Variants in CNTNAP2 observed in about 807,000 individuals in gnomAD.
The protein encoded by CNTNAP2 is contactin associated protein 2.
CNTNAP2 carries 98 observed loss-of-function variants against 155.2 expected under a neutral mutation model. The observed-to-expected ratio is 0.63, with a 90% CI of 0.54 to 0.75. The LOEUF (loss-of-function observed/expected upper bound fraction) is 0.75. Ranked by LOEUF, CNTNAP2 falls within the 30% of genes least tolerant of loss-of-function variation. The pLI is 0.00. For synonymous variants in CNTNAP2, 651 were observed against 631.2 expected (o/e 1.03, Z -0.47); for missense variants, 1,727 against 1,688.1 (o/e 1.02, Z -0.40).
chr7:148,217,313 G>A lies in CNTNAP2; in HGVS notation c.3036G>A (p.Gly1012=). The A allele has an allele frequency of 6.2e-7, 1 of 1,613,860 alleles. No homozygotes were observed. Among genetic ancestry groups the A allele is most frequent in the Non-Finnish European group, 8.5e-7 (1 of 1,179,948 alleles). The change falls in exon 19 of 24, where the codon GGG becomes GGA. Residue 1012 remains glycine, a synonymous_variant. Transcript: ENST00000361727. ...ATGTTGGTGCATTTTTTGAAGAAGGGATGTGGCTACGATATAACTTTCAGG... is the reference window on the plus strand; with the variant it reads ...ATGTTGGTGCATTTTTTGAAGAAGGAATGTGGCTACGATATAACTTTCAGG... ...NKDVGAFFEE[G]MWLRYNFQAP...
At chr7:147,160,241 C>T (rs553562131) in intron 8 of CNTNAP2, among the ~76,000 whole-genome samples, 11 of 152,092 alleles carry the variant, frequency 7.2e-5, no homozygotes, top group South Asian at 2.1e-4. Flanking sequence ...CAGAACCATA[C>T]GTGATGTTAG....
intron 3 of CNTNAP2, among the ~76,000 whole-genome samples, chr7:146,878,710 G>A (rs1795479920): frequency 6.6e-6 from 1 of 151,942 alleles, no homozygotes; most frequent in Non-Finnish European, 1.5e-5. Context: ...TCCACTCTAA[G>A]TACATCAGCT....
intron 13 of CNTNAP2, among the ~76,000 whole-genome samples, chr7:147,884,515 T>C (rs1170277168): frequency 6.6e-6 from 1 of 151,480 alleles, no homozygotes; most frequent in African/African-American, 2.4e-5. Context: ...AAATGACTAA[T>C]TGACATAATG....
chr7:148,237,263 G>A (rs1162060921), intron 20 of CNTNAP2, among the ~76,000 whole-genome samples: 1 of 152,178 alleles, frequency 6.6e-6, no homozygotes, highest in Non-Finnish European at 1.5e-5. Context: ...ATAGTAAAAT[G>A]ATTTCTAGTT....
chr7:147,740,097 A>G (rs541640953), intron 13 of CNTNAP2, among the ~76,000 whole-genome samples: 5 of 152,188 alleles, frequency 3.3e-5, no homozygotes, highest in Non-Finnish European at 5.9e-5. Flanking sequence ...GGCTGGCTTC[A>G]GGTTTAGTTT....
intron 14 of CNTNAP2, among the ~76,000 whole-genome samples, chr7:147,933,319 G>A (rs1800540724): frequency 1.3e-5 from 2 of 152,024 alleles, no homozygotes; most frequent in Admixed American, 1.3e-4. Flanking sequence ...TCCACTTCTG[G>A]CCATTTACTC....
intron 8 of CNTNAP2, among the ~76,000 whole-genome samples, chr7:147,229,211 G>C: frequency 6.6e-6 from 1 of 152,110 alleles, no homozygotes; most frequent in East Asian, 1.9e-4. Flanking sequence ...GTTTGTAAAT[G>C]AGCTTATTCA....
chr7:147,806,790 A>T (rs1361852412), intron 13 of CNTNAP2, among the ~76,000 whole-genome samples: 1 of 152,198 alleles, frequency 6.6e-6, no homozygotes, highest in Non-Finnish European at 1.5e-5. Flanking sequence ...AGTGGGAGCT[A>T]AAACAATTGA....
At chr7:147,639,484 A>G (rs1795240168) in intron 13 of CNTNAP2, among the ~76,000 whole-genome samples, 178 bp downstream of exon 13, 1 of 151,656 alleles carries the variant, frequency 6.6e-6, no homozygotes, top group Non-Finnish European at 1.5e-5. Flanking sequence ...GCTAAGAAAG[A>G]ATGATTTTGA....
At chr7:147,580,626 T>C (rs905479925) in intron 12 of CNTNAP2, among the ~76,000 whole-genome samples, 24 of 152,106 alleles carry the variant, frequency 1.6e-4, no homozygotes, top group Non-Finnish European at 3.2e-4. Context: ...ATCATTTTTT[T>C]TTTTTTTGAG....
intron 1 of CNTNAP2, among the ~76,000 whole-genome samples, chr7:146,395,826 G>A (rs57856972): frequency 2.2e-3 from 255 of 116,824 alleles, no homozygotes; most frequent in African/African-American, 6.0e-3. Flanking sequence ...GATAGATAGA[G>A]GAGAGAGAGA....
chr7:147,856,240 C>A (rs917129948), intron 13 of CNTNAP2, among the ~76,000 whole-genome samples: 4 of 152,122 alleles, frequency 2.6e-5, no homozygotes, highest in Non-Finnish European at 5.9e-5. Flanking sequence ...TTTCTAGTCT[C>A]GAGCATAAAA....
chr7:147,364,680 T>C (rs2116902021), intron 9 of CNTNAP2, among the ~76,000 whole-genome samples: 1 of 152,254 alleles, frequency 6.6e-6, no homozygotes, highest in East Asian at 1.9e-4. Context: ...AAACCCCGTC[T>C]CTGCTAAAAA....
At chr7:147,266,260 C>CTA (rs1304193665) in intron 8 of CNTNAP2, among the ~76,000 whole-genome samples, 1 of 152,196 alleles carries the variant, frequency 6.6e-6, no homozygotes, top group Non-Finnish European at 1.5e-5. Context: ...GAGCTGCTAA[C>CTA]TAGAATAACC....
At chr7:146,455,819 G>A (rs888110193) in intron 1 of CNTNAP2, among the ~76,000 whole-genome samples, 2 of 152,174 alleles carry the variant, frequency 1.3e-5, no homozygotes, top group African/African-American at 2.4e-5. Context: ...TTAGTGGTCA[G>A]TTGGTCTTTC....
chr7:147,301,147 A>T (rs1394299830), intron 9 of CNTNAP2, among the ~76,000 whole-genome samples: 1 of 152,208 alleles, frequency 6.6e-6, no homozygotes, highest in Non-Finnish European at 1.5e-5. Flanking sequence ...TGCCTACCAC[A>T]GTCTACCTTA....
chr7:147,080,273 T>C (rs926562226), intron 4 of CNTNAP2, among the ~76,000 whole-genome samples: 1 of 152,168 alleles, frequency 6.6e-6, no homozygotes, highest in Admixed American at 6.5e-5. Context: ...TGTGAAAACA[T>C]GGGAATAATT....
In CNTNAP2 at chr7:147,819,742, T is replaced by C. The variant is rs114241991; in HGVS notation, c.2099-83823T>C. On this transcript the variant is annotated intron_variant, in intron 13 of 23. Coordinates refer to ENST00000361727, the MANE Select transcript of CNTNAP2 (RefSeq NM_014141.6). ...AAGGAGAATGTAGATCTGATTTCCA[T>C]CAACAGATTCATTTCACCTGTTGTG... Among the ~76,000 whole-genome samples, 639 of 152,174 alleles carry C rather than the reference T, an allele frequency of 4.2e-3. 4 individuals are homozygous for C. Among genetic ancestry groups the C allele is most frequent in the African/African-American group, 0.015 (614 of 41,542 alleles).
intron 13 of CNTNAP2, among the ~76,000 whole-genome samples, chr7:147,886,636 C>G (rs1156857944): frequency 1.3e-5 from 2 of 151,972 alleles, no homozygotes; most frequent in African/African-American, 4.8e-5. Context: ...ATTTATTGTG[C>G]AGAACTATCT....
Sources: gnomAD v4.1 joint callset for allele counts (sites outside exome capture counted in the v4.1 genomes callset) on GRCh38, gnomAD v4.1.1 for gene constraint, MANE v1.5 for transcripts, NCBI Gene and HGNC (gene_info 2026-07-23, HGNC 2026-07-21) for gene names.